VPS13B: variants seen among roughly 807,000 people sequenced by gnomAD.
VPS13B encodes the protein vacuolar protein sorting 13 homolog B, also known as intermembrane lipid transfer protein VPS13B.
In VPS13B, 285 loss-of-function variants were observed where a neutral mutation model predicts 426.4. That is an observed-to-expected ratio of 0.67 (90% CI 0.61 to 0.74). The LOEUF (loss-of-function observed/expected upper bound fraction) is 0.74. VPS13B is among the 30% of genes least tolerant of loss of function. VPS13B has a pLI of 0.00. For synonymous variants in VPS13B, 1,676 were observed against 1,676.4 expected (o/e 1.00, Z 0.01); for missense variants, 4,537 against 4,782.6 (o/e 0.95, Z 1.51).
chr8:99,037,102 T>A (rs1842778320), intron 2 of VPS13B, among the ~76,000 whole-genome samples: 1 of 152,202 alleles, frequency 6.6e-6, no homozygotes, highest in African/African-American at 2.4e-5. Context: ...TACTCAGTGC[T>A]TATTGCTTTT....
At chr8:99,365,521 T>C (rs1812823747) in intron 19 of VPS13B, among the ~76,000 whole-genome samples, 1 of 141,806 alleles carries the variant, frequency 7.1e-6, no homozygotes, top group Admixed American at 6.9e-5. Flanking sequence ...TTCTTCTTTT[T>C]TTTTTTTTTT....
chr8:99,125,297 G>A (rs1207927117), intron 8 of VPS13B, among the ~76,000 whole-genome samples: 2 of 152,146 alleles, frequency 1.3e-5, no homozygotes, highest in African/African-American at 4.8e-5. Context: ...ATGTTCAAGG[G>A]CAGGAAGCAT....
chr8:99,575,716 G>A lies in VPS13B; in HGVS notation c.5008G>A (p.Val1670Ile), dbSNP rs1227427743. The change falls in exon 32 of 62, where the codon GTC (valine) becomes ATC (isoleucine). Residue 1670 changes from valine to isoleucine, a missense_variant. Physicochemically the swap from Val to Ile is conservative, Grantham distance 29 (BLOSUM62 3). Around this residue, in one of 2 missense-constraint regions of VPS13B, gnomAD observed 4,311 missense variants for 4,474.3 expected, o/e 0.96. Coordinates refer to ENST00000357162, the MANE Select transcript of VPS13B (RefSeq NM_152564.5). ...ILTPVLTDFS[V>I]RITGAPAVIF... Reference sequence around the variant, plus strand: ...GACCCCCGTTTTGACAGATTTTTCTGTCCGAATAACTGGAGCACCTGCTGT... The same window carrying A: ...GACCCCCGTTTTGACAGATTTTTCTATCCGAATAACTGGAGCACCTGCTGT... The A allele has an allele frequency of 6.2e-7, 1 of 1,613,856 alleles. No homozygotes were observed. The highest frequency in any genetic ancestry group is 8.5e-7 in the Non-Finnish European group (1 of 1,179,906).
At chr8:99,186,129 G>C (rs1019747380) in intron 16 of VPS13B, among the ~76,000 whole-genome samples, 8 of 152,060 alleles carry the variant, frequency 5.3e-5, no homozygotes, top group African/African-American at 1.9e-4. Context: ...TTCAGACTAA[G>C]ACTTCTGGAT....
intron 35 of VPS13B, chr8:99,697,078 C>T: frequency 1.9e-6 from 1 of 537,810 alleles, no homozygotes; most frequent in Non-Finnish European, 3.4e-6. Flanking sequence ...CGCTACTCAT[C>T]CTGTCCCAGA....
At chr8:99,432,760 G>A (rs1245198818) in intron 22 of VPS13B, among the ~76,000 whole-genome samples, 1 of 152,124 alleles carries the variant, frequency 6.6e-6, no homozygotes, top group Non-Finnish European at 1.5e-5. Flanking sequence ...TAATATTGGA[G>A]AGTTTTTTCT....
chr8:99,488,906 T>C (rs994103359), intron 25 of VPS13B, among the ~76,000 whole-genome samples: 3 of 152,232 alleles, frequency 2.0e-5, no homozygotes, highest in African/African-American at 7.2e-5. Context: ...CATTTGTCTA[T>C]TTTGGCTTTT....
chr8:99,233,593 AT>A, intron 17 of VPS13B: 2 of 1,214,036 alleles, frequency 1.6e-6, no homozygotes, highest in Non-Finnish European at 2.4e-6. Context: ...CCAGCATATC[AT>A]TTTCAAAGGC....
rs145899918 is a variant in VPS13B at position 99,809,473 on chromosome 8, G to C, written c.8040G>C (p.Arg2680Ser). The change falls in exon 44 of 62, where the codon AGG (arginine) becomes AGC (serine). Residue 2680 changes from arginine to serine, a missense_variant. Arg to Ser is a moderately radical substitution (Grantham distance 110). Around this residue, in one of 2 missense-constraint regions of VPS13B, gnomAD observed 4,311 missense variants for 4,474.3 expected, o/e 0.96. Coordinates refer to ENST00000357162, the MANE Select transcript of VPS13B (RefSeq NM_152564.5). ...AGTFIRTIQY[R>S]GRTASLIIKV... Reference sequence around the variant, plus strand: ...CTTTTATTAGAACAATTCAGTACAGGGGTCGAACTGCTTCTCTCATCATCA... The same window carrying C: ...CTTTTATTAGAACAATTCAGTACAGCGGTCGAACTGCTTCTCTCATCATCA... The C allele has an allele frequency of 6.8e-6, 11 of 1,613,802 alleles. No homozygotes were observed. Among genetic ancestry groups the C allele is most frequent in the Non-Finnish European group, 8.5e-6 (10 of 1,179,958 alleles).
chr8:99,786,138 T>C (rs75067263), intron 43 of VPS13B, among the ~76,000 whole-genome samples: 1 of 152,212 alleles, frequency 6.6e-6, no homozygotes, highest in African/African-American at 2.4e-5. Context: ...GTAGTCTTCA[T>C]GCTATAGACA....
intron 21 of VPS13B, among the ~76,000 whole-genome samples, chr8:99,415,392 C>T (rs886810310): frequency 6.6e-6 from 1 of 151,756 alleles, no homozygotes; most frequent in Non-Finnish European, 1.5e-5. Flanking sequence ...TTGTTATTAC[C>T]CACCTTCCGA....
intron 19 of VPS13B, among the ~76,000 whole-genome samples, chr8:99,339,364 G>T (rs1373499063): frequency 3.9e-5 from 6 of 152,018 alleles, no homozygotes; most frequent in Non-Finnish European, 8.8e-5. Flanking sequence ...TTAAAATCGT[G>T]GGGGAAGGTG....
intron 21 of VPS13B, among the ~76,000 whole-genome samples, chr8:99,431,079 A>T (rs543610705): frequency 6.6e-6 from 1 of 152,326 alleles, no homozygotes; most frequent in East Asian, 1.9e-4. Context: ...GAACATTTAC[A>T]TATGGGAAGG....
chr8:99,097,857 GA>G (rs200031411), intron 4 of VPS13B, among the ~76,000 whole-genome samples: 1 of 151,684 alleles, frequency 6.6e-6, no homozygotes, highest in Non-Finnish European at 1.5e-5. Flanking sequence ...ATCAAGCAGG[GA>G]AAAAAAATCT....
intron 3 of VPS13B, chr8:99,092,004 A>G (rs1160839090): frequency 2.6e-5 from 4 of 152,272 alleles, no homozygotes; most frequent in South Asian, 4.1e-4. Flanking sequence ...AAGGACTTCA[A>G]TGATGTAGTC....
intron 3 of VPS13B, among the ~76,000 whole-genome samples, chr8:99,043,547 A>C (rs1843068890): frequency 6.6e-6 from 1 of 152,052 alleles, no homozygotes. Context: ...TTCTACACAC[A>C]CTCACAAATA....
At chr8:99,777,691 A>C (rs1440412668) in intron 41 of VPS13B, among the ~76,000 whole-genome samples, 1 of 152,228 alleles carries the variant, frequency 6.6e-6, no homozygotes, top group East Asian at 1.9e-4. Flanking sequence ...AAAATCATGA[A>C]TACTTTCCAC....
At chr8:99,170,416 A>G (rs1384022438) in intron 16 of VPS13B, among the ~76,000 whole-genome samples, 2 of 151,994 alleles carry the variant, frequency 1.3e-5, no homozygotes, top group Non-Finnish European at 2.9e-5. Flanking sequence ...GATGTGTGTA[A>G]AATACTACTT....
intron 3 of VPS13B, among the ~76,000 whole-genome samples, chr8:99,076,679 G>T: frequency 7.2e-6 from 1 of 139,642 alleles, no homozygotes; most frequent in Admixed American, 7.1e-5. Context: ...AGCTACTTCT[G>T]TTTGCTTTTG....
Sources: gnomAD v4.1 joint callset for allele counts (sites outside exome capture counted in the v4.1 genomes callset) on GRCh38, gnomAD v4.1.1 for gene constraint, gnomAD v4.1.1 regional missense constraint, MANE v1.5 for transcripts, NCBI Gene and HGNC (gene_info 2026-07-23, HGNC 2026-07-21) for gene names.